TMPRSS15: variants seen among roughly 807,000 people sequenced by gnomAD.
TMPRSS15 encodes the protein enteropeptidase.
In TMPRSS15, 128 loss-of-function variants were observed where a neutral mutation model predicts 125.3. The ratio of observed to expected loss-of-function variants is 1.02; its 90% CI spans 0.89 to 1.18. The LOEUF (loss-of-function observed/expected upper bound fraction) is 1.18, where lower values mean the gene tolerates loss of function less well. Among genes scored for constraint, TMPRSS15 ranks in the 50% most tolerant of loss-of-function variants. The pLI, the probability that TMPRSS15 is intolerant of heterozygous loss-of-function variation, is 0.00. For synonymous variants in TMPRSS15, 446 were observed against 423.2 expected, an observed-to-expected ratio of 1.05 and a Z score of -0.66; for missense variants, 1,283 against 1,212.7, an observed-to-expected ratio of 1.06 and a Z score of -0.86.
chr21:18,474,560 G>A (rs2123286143), intron 1 of TMPRSS15, among the ~76,000 whole-genome samples: 1 of 152,168 alleles, frequency 6.6e-6, no homozygotes, highest in South Asian at 2.1e-4. Flanking sequence ...AAAGTGCTGA[G>A]ATTACAGGTG....
At chr21:18,304,950 G>A (rs914847110) in intron 18 of TMPRSS15, among the ~76,000 whole-genome samples, 8 of 151,990 alleles carry the variant, frequency 5.3e-5, no homozygotes, top group Admixed American at 1.3e-4. Flanking sequence ...AGTGTAAGCC[G>A]AAGTAGGAGC....
rs763058386 is a variant in TMPRSS15, at chr21:18,269,221, C to T, written c.*748G>A. 1 of 152,126 alleles carries T rather than the reference C, an allele frequency of 6.6e-6. No homozygotes were observed. Among genetic ancestry groups the T allele is most frequent in the South Asian group, 2.1e-4 (1 of 4,824 alleles). The allele number at this position is 152,126 out of a possible 1,614,324, so 9.4% of individuals were successfully genotyped here. ...AAATATCCACTGTAACACACATAAA[C>T]CAAGACCAGGATTTGCAATAGGTGC... On this transcript the variant is annotated 3_prime_UTR_variant, in exon 25 of 25. Coordinates refer to ENST00000284885, the MANE Select transcript of TMPRSS15 (RefSeq NM_002772.3).
intron 1 of TMPRSS15, among the ~76,000 whole-genome samples, chr21:18,422,351 T>A (rs1362276382): frequency 6.6e-6 from 1 of 151,958 alleles, no homozygotes; most frequent in South Asian, 2.1e-4. Context: ...ACTTGATAAT[T>A]TACCTTCTTA....
intron 6 of TMPRSS15, among the ~76,000 whole-genome samples, chr21:18,366,109 A>C (rs2075735094): frequency 6.6e-6 from 1 of 152,188 alleles, no homozygotes; most frequent in Admixed American, 6.5e-5. Context: ...GCAAGGAAAT[A>C]AATATATCTG....
At position 18,321,498 on chromosome 21, in the gene TMPRSS15, G is replaced by A. The variant is rs1210068440; in HGVS notation, c.1921+4934C>T. On this transcript the variant is annotated intron_variant, in intron 16 of 24. Transcript: ENST00000284885. Reference sequence around the variant, plus strand: ...CTTCCCAGTAGCTGGGACTACAGGTGCCTGCCACCACGCCCAGCTAATATT... The same window carrying A: ...CTTCCCAGTAGCTGGGACTACAGGTACCTGCCACCACGCCCAGCTAATATT... Among the ~76,000 whole-genome samples the A allele has an allele frequency of 7.2e-5, 11 of 151,870 alleles. No individual in the cohort carries two copies. The East Asian group carries it at 1.4e-3, about 19-fold the overall frequency.
At chr21:18,409,648 T>C (rs2076160407) in intron 1 of TMPRSS15, among the ~76,000 whole-genome samples, 1 of 152,168 alleles carries the variant, frequency 6.6e-6, no homozygotes, top group African/African-American at 2.4e-5. Flanking sequence ...TTTTCATAAT[T>C]ATAATCTTTC....
At chr21:18,474,651 A>G (rs1358525290) in intron 1 of TMPRSS15, among the ~76,000 whole-genome samples, 1 of 152,202 alleles carries the variant, frequency 6.6e-6, no homozygotes, top group East Asian at 1.9e-4. Context: ...TGTTATGATC[A>G]ACAAAGAGAA....
intron 16 of TMPRSS15, among the ~76,000 whole-genome samples, chr21:18,322,486 C>G (rs2075248932): frequency 1.3e-5 from 2 of 152,018 alleles, no homozygotes; most frequent in Non-Finnish European, 2.9e-5. Context: ...AAGAGTCCAT[C>G]AACAGATGAA....
intron 20 of TMPRSS15, 67 bp downstream of exon 20, chr21:18,294,536 A>C: frequency 6.3e-7 from 1 of 1,598,872 alleles, no homozygotes. Flanking sequence ...ACTTCAGGTG[A>C]CATAAAACTC....
At chr21:18,470,753 G>T (rs752822469) in intron 1 of TMPRSS15, among the ~76,000 whole-genome samples, 39 of 151,928 alleles carry the variant, frequency 2.6e-4, no homozygotes, top group Non-Finnish European at 4.0e-4. Flanking sequence ...AAAAATGGGA[G>T]ATAGAGAAGG....
intron 4 of TMPRSS15, among the ~76,000 whole-genome samples, chr21:18,381,343 T>C (rs1219556201): frequency 6.6e-6 from 1 of 152,136 alleles, no homozygotes. Flanking sequence ...ATAAAATTTA[T>C]GTGACTTTTC....
intron 1 of TMPRSS15, among the ~76,000 whole-genome samples, chr21:18,415,010 C>A (rs2076176371): frequency 6.6e-6 from 1 of 151,972 alleles, no homozygotes; most frequent in Non-Finnish European, 1.5e-5. Flanking sequence ...TTTCTACCTT[C>A]TTGCTAGCCC....
At chr21:18,270,242 TGC>T in intron 24 of TMPRSS15, 118 bp from the exon 25 acceptor site, 1 of 889,336 alleles carries the variant, frequency 1.1e-6, no homozygotes, top group Non-Finnish European at 1.7e-6. Context: ...ATGATTTAAT[TGC>T]AAGTCATCTG....
intron 3 of TMPRSS15, among the ~76,000 whole-genome samples, chr21:18,391,114 T>C (rs2075986671): frequency 1.3e-5 from 2 of 152,056 alleles, no homozygotes; most frequent in Non-Finnish European, 2.9e-5. Flanking sequence ...GGAGATGAGA[T>C]TTGTGTGGGG....
chr21:18,347,263 G>A (rs2075518709), intron 10 of TMPRSS15, among the ~76,000 whole-genome samples: 1 of 151,806 alleles, frequency 6.6e-6, no homozygotes, highest in Admixed American at 6.6e-5. Flanking sequence ...TTGAGATGAT[G>A]TTTCACTCCA....
At chr21:18,325,391 A>T (rs948453859) in intron 16 of TMPRSS15, among the ~76,000 whole-genome samples, 5 of 152,080 alleles carry the variant, frequency 3.3e-5, no homozygotes, top group African/African-American at 9.7e-5. Flanking sequence ...TCAGGGCCAG[A>T]TGGTAGACCT....
chr21:18,362,228 T>A (rs2075685268), intron 7 of TMPRSS15, among the ~76,000 whole-genome samples: 1 of 152,176 alleles, frequency 6.6e-6, no homozygotes, highest in Admixed American at 6.6e-5. Context: ...GGAGTGAGCC[T>A]GCTGGTGAGA....
intron 3 of TMPRSS15, among the ~76,000 whole-genome samples, chr21:18,386,543 A>T (rs1021644616): frequency 1.3e-5 from 2 of 152,266 alleles, no homozygotes; most frequent in African/African-American, 4.8e-5. Context: ...CAATACTTCC[A>T]AAAGATAGAG....
intron 21 of TMPRSS15, among the ~76,000 whole-genome samples, chr21:18,290,792 A>C (rs2074824322): frequency 6.6e-6 from 1 of 151,962 alleles, no homozygotes; most frequent in East Asian, 1.9e-4. Flanking sequence ...TACTCTGAGT[A>C]CTTAAGAGTA....
Sources: gnomAD v4.1 joint callset for allele counts (sites outside exome capture counted in the v4.1 genomes callset) on GRCh38, gnomAD v4.1.1 for gene constraint, MANE v1.5 for transcripts, NCBI Gene and HGNC (gene_info 2026-07-23, HGNC 2026-07-21) for gene names.